The following THOC2 variants were observed in gnomAD, a reference collection of about 807,000 sequenced individuals.
THOC2 encodes THO complex 2.
Under a neutral mutation model 128.4 loss-of-function variants are expected in THOC2, and 10 were observed. That is an observed-to-expected ratio of 0.08 (90% CI 0.05 to 0.13). The LOEUF is 0.13. Among genes scored for constraint, THOC2 ranks in the 10% least tolerant of loss-of-function variants. The probability of loss-of-function intolerance (pLI) is 1.00; values close to 1 mark genes in which losing one functional copy is unlikely to be tolerated. For synonymous variants in THOC2, 393 were observed against 396.9 expected (o/e 0.99, Z 0.12); for missense variants, 535 against 1,155.7 (o/e 0.46, Z 7.79).
At chrX:123,640,496 G>T in intron 16 of THOC2, 42 bp downstream of exon 16, 1 of 976,830 alleles carries the variant, frequency 1.0e-6, no homozygotes, top group Non-Finnish European at 1.4e-6. Context: ...AAAGGCAACA[G>T]AAAGAAAAAT....
At chrX:123,675,534 T>G (rs896020551) in intron 8 of THOC2, among the ~76,000 whole-genome samples, 5 of 109,763 alleles carry the variant, frequency 4.6e-5, no homozygotes, top group African/African-American at 1.7e-4. Context: ...CCAGCTGTAC[T>G]TAGGAGGTTG....
At chrX:123,649,565 G>A (rs1231926021) in intron 12 of THOC2, among the ~76,000 whole-genome samples, 1 of 110,712 alleles carries the variant, frequency 9.0e-6, no homozygotes, top group African/African-American at 3.3e-5. Context: ...TTGAAAAAAG[G>A]TTAGAGAATT....
chrX:123,728,951 T>C (rs1462527063), intron 1 of THOC2, among the ~76,000 whole-genome samples: 1 of 112,027 alleles, frequency 8.9e-6, no homozygotes, highest in Admixed American at 9.5e-5. Flanking sequence ...AGGTTGCCTG[T>C]AACAAAGAAA....
In THOC2 at chrX:123,626,372, T is replaced by C. The variant is rs1447616309; in HGVS notation, c.2899+149A>G. The C allele has an allele frequency of 5.1e-6, 3 of 587,125 alleles. No individual in the cohort carries two copies. The East Asian group carries it at 1.1e-4, about 22-fold the overall frequency. The allele number at this position is 587,125 out of a possible 1,213,427, so 48.4% of individuals were successfully genotyped here. A position where few individuals can be genotyped will look rare whatever the true frequency, so the allele number is the denominator to read the frequency against. ...ATCAGTTCCTCCAGTGAACATGAAG[T>C]TGATTCTGCATTAACAAATAACCAA... On this transcript the variant is annotated intron_variant, in intron 24 of 38. Transcript: ENST00000245838.
chrX:123,655,548 A>G (rs2048536205), intron 12 of THOC2, among the ~76,000 whole-genome samples: 1 of 111,952 alleles, frequency 8.9e-6, no homozygotes, highest in Admixed American at 9.5e-5. Flanking sequence ...GCTAAATTCA[A>G]CAATTAACAT....
chrX:123,638,252 G>T, intron 17 of THOC2, 129 bp from the exon 18 acceptor site: 1 of 408,963 alleles, frequency 2.4e-6, no homozygotes, highest in Non-Finnish European at 4.2e-6. Flanking sequence ...CCAAGACCAG[G>T]GATGTTGCTA....
intron 12 of THOC2, among the ~76,000 whole-genome samples, chrX:123,656,205 C>T (rs2048566471): frequency 9.3e-6 from 1 of 107,562 alleles, no homozygotes; most frequent in Non-Finnish European, 1.9e-5. Context: ...CACCTGTAAT[C>T]CCAGCTACTG....
Position 123,680,948 on chromosome X carries a change from C to CCA in THOC2, c.768+5598_768+5599dup, listed in dbSNP as rs767017714. 3.3e-3 allele frequency among the ~76,000 whole-genome samples: 365 copies of CCA among 110,094 alleles called. 3 individuals are homozygous for CCA. Among genetic ancestry groups the CCA allele is most frequent in the African/African-American group, 0.011 (325 of 30,202 alleles). ...ACTGATCCATTGAAAATCTAAGTAACCACACACACACATGCATTCTCTCTC... is the reference window on the plus strand; with the variant it reads ...ACTGATCCATTGAAAATCTAAGTAACCACACACACACACATGCATTCTCTCTC... On this transcript the variant is annotated intron_variant, in intron 8 of 38. Coordinates refer to ENST00000245838, the MANE Select transcript of THOC2 (RefSeq NM_001081550.2).
intron 33 of THOC2, among the ~76,000 whole-genome samples, chrX:123,618,205 A>C: frequency 8.9e-6 from 1 of 111,853 alleles, no homozygotes. Context: ...TGTTGTGTCT[A>C]ATGTGTTATT....
chrX:123,729,630 C>G (rs931992908), intron 1 of THOC2, among the ~76,000 whole-genome samples: 2 of 107,466 alleles, frequency 1.9e-5, no homozygotes, highest in African/African-American at 6.5e-5. Flanking sequence ...TAAAGCTTAT[C>G]TGCTAATTTA....
chrX:123,697,918 T>C (rs1603309547), intron 4 of THOC2, among the ~76,000 whole-genome samples, 167 bp from the exon 5 acceptor site: 2 of 111,695 alleles, frequency 1.8e-5, no homozygotes, highest in South Asian at 7.5e-4. Flanking sequence ...TGCTTTAATT[T>C]CTCCTAAAAC....
chrX:123,723,237 T>C (rs1222309041), intron 1 of THOC2, among the ~76,000 whole-genome samples: 1 of 111,372 alleles, frequency 9.0e-6, no homozygotes, highest in African/African-American at 3.3e-5. Context: ...AAAAAGATGC[T>C]CATGGAAATA....
intron 12 of THOC2, 53 bp from the exon 13 acceptor site, chrX:123,645,428 G>T: frequency 1.3e-6 from 1 of 741,521 alleles, no homozygotes. Flanking sequence ...AGATTATGAT[G>T]TCACAATTAA....
chrX:123,638,502 C>G (rs186317269), intron 17 of THOC2, among the ~76,000 whole-genome samples: 5 of 110,843 alleles, frequency 4.5e-5, no homozygotes, highest in Non-Finnish European at 9.5e-5. Flanking sequence ...CTACTAAAAA[C>G]AAGGAAATTA....
intron 7 of THOC2, 28 bp downstream of exon 7, chrX:123,695,993 A>G: frequency 1.0e-6 from 1 of 988,604 alleles, no homozygotes; most frequent in Admixed American, 2.6e-5. Context: ...TATCTTAACA[A>G]CACATACTAT....
intron 8 of THOC2, among the ~76,000 whole-genome samples, chrX:123,678,633 T>C (rs2049615047): frequency 9.0e-6 from 1 of 110,893 alleles, no homozygotes; most frequent in Admixed American, 9.7e-5. Context: ...GTGAATTTTC[T>C]TGGGGGTTCT....
At chrX:123,629,724 T>C (rs985403587) in intron 22 of THOC2, among the ~76,000 whole-genome samples, 7 of 111,618 alleles carry the variant, frequency 6.3e-5, no homozygotes, top group East Asian at 2.8e-4. Flanking sequence ...CCTGAGGGAA[T>C]AGCAGTTGGG....
chrX:123,657,644 T>TA (rs57459853), intron 12 of THOC2, among the ~76,000 whole-genome samples: 35,608 of 102,161 alleles, frequency 0.35, 4,818 homozygotes, highest in East Asian at 0.68. Flanking sequence ...AGTGTTAAGA[T>TA]AAAAAAAAAA....
chrX:123,636,050 T>C lies in THOC2; in HGVS notation c.2018+29A>G, dbSNP rs765983120. The C allele has an allele frequency of 1.2e-5, 13 of 1,127,473 alleles. No homozygotes were observed. In the African/African-American group the frequency reaches 2.3e-4, roughly 20 times the overall value. 92.9% of individuals were successfully genotyped at this position (1,127,473 alleles called of 1,213,427 possible). A position where few individuals can be genotyped will look rare whatever the true frequency, so the allele number is the denominator to read the frequency against. On this transcript the variant is annotated intron_variant, in intron 19 of 38. Coordinates refer to ENST00000245838, the MANE Select transcript of THOC2 (RefSeq NM_001081550.2). ...AAACCACCAAAAGTACTCTATTGAATTTCATTATGTATAATTTGCTATGAA... is the reference window on the plus strand; with the variant it reads ...AAACCACCAAAAGTACTCTATTGAACTTCATTATGTATAATTTGCTATGAA...
Sources: allele counts gnomAD v4.1 joint callset (sites outside exome capture counted in the v4.1 genomes callset), GRCh38; gene constraint gnomAD v4.1.1; transcripts MANE v1.5; gene names NCBI Gene and HGNC (gene_info 2026-07-23, HGNC 2026-07-21).